The following ANKFY1 variants were observed in gnomAD, a reference collection of about 807,000 sequenced individuals.
ANKFY1 encodes the protein ankyrin repeat and FYVE domain containing 1.
In ANKFY1, 47 loss-of-function variants were observed where a neutral mutation model predicts 128.3. That is an observed-to-expected ratio of 0.37 (90% CI 0.29 to 0.47). The LOEUF is 0.47. Ranked by LOEUF, ANKFY1 falls within the 20% of genes least tolerant of loss-of-function variation. ANKFY1 has a pLI of 1.00. For missense variants in ANKFY1, 1,222 were observed against 1,510.6 expected (o/e 0.81, Z 3.17); for synonymous variants, 553 against 601.6 (o/e 0.92, Z 1.18).
At chr17:4,185,309 G>A (rs193132883) in intron 11 of ANKFY1, among the ~76,000 whole-genome samples, 20 of 152,176 alleles carry the variant, frequency 1.3e-4, no homozygotes, top group South Asian at 4.1e-4. Flanking sequence ...GGGTTCAAGC[G>A]ATTCTCCTCC....
At chr17:4,225,914 C>T (rs957084884) in intron 3 of ANKFY1, among the ~76,000 whole-genome samples, 8 of 152,144 alleles carry the variant, frequency 5.3e-5, no homozygotes, top group African/African-American at 1.9e-4. Flanking sequence ...GTGAGTGCCA[C>T]CACACCTGGC....
chr17:4,225,750 T>C (rs1265852274), intron 3 of ANKFY1, among the ~76,000 whole-genome samples: 1 of 152,144 alleles, frequency 6.6e-6, no homozygotes, highest in Non-Finnish European at 1.5e-5. Flanking sequence ...CTTCGGTGTG[T>C]GTGTATATAT....
At chr17:4,199,522 C>A (rs535644672) in intron 7 of ANKFY1, among the ~76,000 whole-genome samples, 1 of 152,292 alleles carries the variant, frequency 6.6e-6, no homozygotes, top group East Asian at 1.9e-4. Context: ...GTTTCATTTA[C>A]CATCTTTGAC....
In ANKFY1 at chr17:4,252,280, A is replaced by G. The variant is rs144015300; in HGVS notation, c.11-9832T>C. Among the ~76,000 whole-genome samples, 22 of 152,328 alleles carry G rather than the reference A, an allele frequency of 1.4e-4. No individual in the cohort carries two copies. In the East Asian group the frequency reaches 4.2e-3, roughly 29 times the overall value. ...AAAAAGTTATGGCAAAGATCTGGAG[A>G]ACTAGGCCAAGCGCAGTGGTTCACA... On this transcript the variant is annotated intron_variant, in intron 1 of 24. Transcript: ENST00000341657.
intron 3 of ANKFY1, among the ~76,000 whole-genome samples, chr17:4,217,509 T>G (rs1251392515): frequency 6.6e-6 from 1 of 152,040 alleles, no homozygotes; most frequent in Non-Finnish European, 1.5e-5. Flanking sequence ...ATTGAGCCAC[T>G]GCACTCCAGC....
At chr17:4,249,856 C>T (rs1967738834) in intron 1 of ANKFY1, among the ~76,000 whole-genome samples, 1 of 151,348 alleles carries the variant, frequency 6.6e-6, no homozygotes, top group Non-Finnish European at 1.5e-5. Flanking sequence ...CCTCTTTGGT[C>T]ACTACTTCCT....
At chr17:4,222,834 G>C (rs1310767752) in intron 3 of ANKFY1, 4 of 966,404 alleles carry the variant, frequency 4.1e-6, no homozygotes, top group Non-Finnish European at 3.4e-6. Context: ...GAGTTCCCAA[G>C]GGTTGTCTCA....
At chr17:4,222,180 G>GCTGCTACCA (rs1555634000) in intron 3 of ANKFY1, 1 of 157,406 alleles carries the variant, frequency 6.4e-6, no homozygotes, top group Non-Finnish European at 1.4e-5. Flanking sequence ...CGCCGCCGCT[G>GCTGCTACCA]CTGCTACCCC....
intron 22 of ANKFY1, among the ~76,000 whole-genome samples, chr17:4,171,064 C>T (rs896532909): frequency 1.4e-4 from 21 of 152,290 alleles, no homozygotes; most frequent in Admixed American, 9.8e-4. Flanking sequence ...GATGTGGCCA[C>T]GAGCCAAAGA....
chr17:4,176,017 C>T (rs1309122047), intron 19 of ANKFY1, among the ~76,000 whole-genome samples: 2 of 152,164 alleles, frequency 1.3e-5, no homozygotes, highest in East Asian at 1.9e-4. Context: ...AACACGAGGC[C>T]GATTCCCTAC....
intron 4 of ANKFY1, among the ~76,000 whole-genome samples, chr17:4,216,025 C>G (rs181626747): frequency 6.6e-6 from 1 of 152,310 alleles, no homozygotes; most frequent in African/African-American, 2.4e-5. Flanking sequence ...TGTGGACCTG[C>G]TTTTGTTTTT....
Position 4,195,155 on chromosome 17 carries a change from G to T in ANKFY1, c.1195C>A (p.His399Asn). Reference protein sequence around the residue: ...CKQLDLELKDHEGSTALWLAV... With the variant: ...CKQLDLELKDNEGSTALWLAV... ...AGCCACAGAGCCGTGCTGCCCTCGT[G>T]GTCTTTGAGTTCTAAATCTAGTCTG... Residue 399 changes from histidine (H) to asparagine (N), a missense_variant, in exon 10 of 25, where the codon CAC becomes AAC. By Grantham distance (68) the His-to-Asn change is moderately conservative. Transcript: ENST00000341657. The T allele has an allele frequency of 6.2e-7, 1 of 1,609,650 alleles. No homozygotes were observed. The highest frequency in any genetic ancestry group is 8.5e-7 in the Non-Finnish European group (1 of 1,176,686).
Position 4,182,204 on chromosome 17 carries a change from G to C in ANKFY1, c.2098C>G (p.Leu700Val). ...ACCAGAGTGGATGCGATGTCCTCCA[G>C]ATTGTTTGCCAATGCAAGCCACAGC... ...PPLWLALANNLEDIASTLVRH... is the reference protein window; with the variant it reads ...PPLWLALANNVEDIASTLVRH... Residue 700 changes from leucine to valine, a missense_variant, in exon 15 of 25, where the codon CTG (leucine) becomes GTG (valine). Transcript: ENST00000341657. 1 of 1,565,696 alleles carries C rather than the reference G, an allele frequency of 6.4e-7. No individual in the cohort carries two copies. Among genetic ancestry groups the C allele is most frequent in the Non-Finnish European group, 8.7e-7 (1 of 1,151,176 alleles).
At chr17:4,187,089 T>C (rs2059625570) in intron 11 of ANKFY1, 2 of 1,072,206 alleles carry the variant, frequency 1.9e-6, no homozygotes, top group South Asian at 4.9e-5. Context: ...TTAATGTTAG[T>C]GCACCCGTCA....
At chr17:4,252,711 A>C (rs1168980967) in intron 1 of ANKFY1, among the ~76,000 whole-genome samples, 1 of 152,216 alleles carries the variant, frequency 6.6e-6, no homozygotes, top group Non-Finnish European at 1.5e-5. Context: ...TTCCACTCCC[A>C]GTTATTTCCT....
At chr17:4,247,029 C>CTTGA (rs898018284) in intron 1 of ANKFY1, among the ~76,000 whole-genome samples, 2 of 151,736 alleles carry the variant, frequency 1.3e-5, no homozygotes, top group African/African-American at 4.8e-5. Context: ...AGAAGGCTCG[C>CTTGA]TTGAGCCTGG....
chr17:4,195,080 C>T lies in ANKFY1; in HGVS notation c.1270G>A (p.Glu424Lys), dbSNP rs903431173. The part of the protein sequence containing the change: ...VSSDQSVNPF[E>K]DVPVVNGTSF... ...GTCCCATTTACCACGGGGACATCTT[C>T]GAAGGGGTTCACAGACTGGTCAGAA... The change falls in exon 10 of 25, where the codon GAA becomes AAA. Residue 424 changes from glutamate to lysine, a missense_variant. Physicochemically the swap from Glu to Lys is moderately conservative, Grantham distance 56. Coordinates refer to ENST00000341657, the MANE Select transcript of ANKFY1 (RefSeq NM_001330063.2). 4 of 1,614,166 alleles carry T rather than the reference C, an allele frequency of 2.5e-6. No homozygotes were observed. Among genetic ancestry groups the T allele is most frequent in the Non-Finnish European group, 3.4e-6 (4 of 1,180,040 alleles).
intron 19 of ANKFY1, among the ~76,000 whole-genome samples, chr17:4,175,055 G>A (rs1340599523): frequency 5.3e-5 from 8 of 149,928 alleles, no homozygotes; most frequent in Admixed American, 2.6e-4. Context: ...AACACAGGCC[G>A]GGTGCAGTGG....
rs138051703 is a variant in ANKFY1 at position 4,197,611 on chromosome 17, G to A, written c.899-34C>T. 7.9e-5 allele frequency: 126 copies of A among 1,598,076 alleles called. 2 individuals carry two copies. In the African/African-American group the frequency reaches 1.2e-3, roughly 16 times the overall value. On this transcript the variant is annotated intron_variant, in intron 7 of 24. Transcript: ENST00000341657. ...GAAATAATAGAAGAAACAGTGTCAG[G>A]GCAAAGTATTCTGGCCAGTGCTTCT...
Sources: gnomAD v4.1 joint callset for allele counts (sites outside exome capture counted in the v4.1 genomes callset) on GRCh38, gnomAD v4.1.1 for gene constraint, MANE v1.5 for transcripts, NCBI Gene and HGNC (gene_info 2026-07-23, HGNC 2026-07-21) for gene names.